The following TMEM132D variants were observed in gnomAD, a reference collection of about 807,000 sequenced individuals.
TMEM132D encodes the protein mature OL transmembrane protein.
A neutral mutation model predicts 62.3 loss-of-function variants in TMEM132D; 21 were observed. The ratio of observed to expected loss-of-function variants is 0.34; its 90% CI spans 0.24 to 0.49. The LOEUF (loss-of-function observed/expected upper bound fraction) is 0.49. Among genes scored for constraint, TMEM132D ranks in the 20% least tolerant of loss-of-function variants. TMEM132D has a pLI of 0.99. For synonymous variants in TMEM132D, 621 were observed against 575.6 expected, an observed-to-expected ratio of 1.08 and a Z score of -1.13; for missense variants, 1,346 against 1,402.8, an observed-to-expected ratio of 0.96 and a Z score of 0.65.
intron 3 of TMEM132D, among the ~76,000 whole-genome samples, chr12:129,374,496 T>C (rs1424875070): frequency 3.3e-5 from 5 of 151,828 alleles, no homozygotes; most frequent in Non-Finnish European, 7.4e-5. Flanking sequence ...AGGGGATTCA[T>C]AGGTGAATTT....
chr12:129,760,578 G>C (rs1376527294), intron 1 of TMEM132D, among the ~76,000 whole-genome samples: 2 of 150,126 alleles, frequency 1.3e-5, no homozygotes, highest in African/African-American at 4.9e-5. Flanking sequence ...GATCTCCTGA[G>C]TTCCGGATCC....
At chr12:129,372,797 T>C (rs1870655368) in intron 3 of TMEM132D, among the ~76,000 whole-genome samples, 1 of 152,010 alleles carries the variant, frequency 6.6e-6, no homozygotes, top group African/African-American at 2.4e-5. Flanking sequence ...TTCTATATTA[T>C]GGTGAGTTGT....
chr12:129,609,883 A>G (rs1878724122), intron 2 of TMEM132D, among the ~76,000 whole-genome samples: 1 of 152,246 alleles, frequency 6.6e-6, no homozygotes, highest in Non-Finnish European at 1.5e-5. Flanking sequence ...CTGGGGGTTT[A>G]TCCCTCAAGC....
At chr12:129,687,361 T>C (rs1880957286) in intron 2 of TMEM132D, among the ~76,000 whole-genome samples, 1 of 152,056 alleles carries the variant, frequency 6.6e-6, no homozygotes, top group Non-Finnish European at 1.5e-5. Context: ...AGACTCCTCA[T>C]TGAGGAGTCT....
intron 4 of TMEM132D, among the ~76,000 whole-genome samples, chr12:129,322,616 A>AT (rs983932063): frequency 6.6e-6 from 1 of 152,022 alleles, no homozygotes; most frequent in Non-Finnish European, 1.5e-5. Context: ...TCCAGGAAGG[A>AT]TTTTTTTCTA....
chr12:129,412,396 G>A (rs2135706454), intron 3 of TMEM132D, among the ~76,000 whole-genome samples: 1 of 152,282 alleles, frequency 6.6e-6, no homozygotes, highest in South Asian at 2.1e-4. Flanking sequence ...CTTAAGAAAA[G>A]CAAACAACAA....
chr12:129,494,654 C>T (rs964492655), intron 3 of TMEM132D, among the ~76,000 whole-genome samples: 1 of 152,134 alleles, frequency 6.6e-6, no homozygotes, highest in African/African-American at 2.4e-5. Flanking sequence ...TGATACTACT[C>T]TATAGTAATT....
chr12:129,329,630 G>A (rs1869041680), intron 4 of TMEM132D, among the ~76,000 whole-genome samples: 1 of 152,120 alleles, frequency 6.6e-6, no homozygotes, highest in South Asian at 2.1e-4. Flanking sequence ...AAAACTGCAG[G>A]GAGATAGGTG....
intron 5 of TMEM132D, among the ~76,000 whole-genome samples, chr12:129,164,324 A>G (rs1397729949): frequency 6.6e-6 from 1 of 152,222 alleles, no homozygotes; most frequent in Non-Finnish European, 1.5e-5. Flanking sequence ...GTATGATTAA[A>G]ACAGGCTTGT....
chr12:129,786,252 G>C (rs1020212546), intron 1 of TMEM132D, among the ~76,000 whole-genome samples: 1 of 152,052 alleles, frequency 6.6e-6, no homozygotes, highest in South Asian at 2.1e-4. Flanking sequence ...GCCCACATCC[G>C]ACCTGCCTAG....
intron 4 of TMEM132D, among the ~76,000 whole-genome samples, chr12:129,283,981 C>A (rs1429773301): frequency 6.6e-6 from 1 of 152,248 alleles, no homozygotes; most frequent in African/African-American, 2.4e-5. Context: ...AGCCAATGAG[C>A]AGCTTCTTTC....
intron 1 of TMEM132D, among the ~76,000 whole-genome samples, chr12:129,815,767 G>A (rs578014164): frequency 1.3e-5 from 2 of 152,042 alleles, no homozygotes; most frequent in South Asian, 2.1e-4. Flanking sequence ...TTCTGCTTTC[G>A]GCTTGTCTAC....
chr12:129,373,830 C>T (rs1870698803), intron 3 of TMEM132D, among the ~76,000 whole-genome samples: 1 of 152,062 alleles, frequency 6.6e-6, no homozygotes, highest in Admixed American at 6.5e-5. Flanking sequence ...AGCCAAACGG[C>T]CTAAGAATTT....
chr12:129,448,022 C>T (rs939806617), intron 3 of TMEM132D, among the ~76,000 whole-genome samples: 18 of 152,102 alleles, frequency 1.2e-4, no homozygotes, highest in African/African-American at 4.1e-4. Context: ...GCGTTTTCAG[C>T]GTAGTGCTTG....
At chr12:129,521,797 ATTTGGGTGATTCACAG>A (rs1875855530) in intron 3 of TMEM132D, 1 of 152,170 alleles carries the variant, frequency 6.6e-6, no homozygotes, top group Non-Finnish European at 1.5e-5. Flanking sequence ...GCTGGCAGAC[ATTTGGGTGATTCACAG>A]TTTGGGCTAT....
At chr12:129,723,186 C>T (rs2044926) in intron 1 of TMEM132D, among the ~76,000 whole-genome samples, 125,793 of 152,172 alleles carry the variant, frequency 0.83, 52,520 homozygotes, top group Non-Finnish European at 0.9. Flanking sequence ...TCTAGGAGAA[C>T]GTTACAGTTT....
At chr12:129,159,238 C>T (rs1258099606) in intron 5 of TMEM132D, among the ~76,000 whole-genome samples, 1 of 152,162 alleles carries the variant, frequency 6.6e-6, no homozygotes, top group Non-Finnish European at 1.5e-5. Context: ...AAATAGAGTG[C>T]ACTAGGTTGA....
chr12:129,325,024 A>G (rs1488895018), intron 4 of TMEM132D, among the ~76,000 whole-genome samples: 1 of 152,144 alleles, frequency 6.6e-6, no homozygotes, highest in Non-Finnish European at 1.5e-5. Flanking sequence ...AGGCACCATC[A>G]TTATCCCCAG....
intron 1 of TMEM132D, among the ~76,000 whole-genome samples, chr12:129,891,508 G>T (rs1593200816): frequency 6.6e-6 from 1 of 152,192 alleles, no homozygotes; most frequent in African/African-American, 2.4e-5. Flanking sequence ...AGAGCATCAG[G>T]TTCAGCGGAC....
Sources: gnomAD v4.1 joint callset for allele counts (sites outside exome capture counted in the v4.1 genomes callset) on GRCh38, gnomAD v4.1.1 for gene constraint, MANE v1.5 for transcripts, NCBI Gene and HGNC (gene_info 2026-07-23, HGNC 2026-07-21) for gene names.